The following ADCK1 variants were observed in gnomAD, a reference collection of about 807,000 sequenced individuals.
The protein encoded by ADCK1 is aarF domain containing kinase 1, also known as aarF domain-containing protein kinase 1.
ADCK1 carries 41 observed loss-of-function variants against 52.3 expected under a neutral mutation model. That is an observed-to-expected ratio of 0.78 (90% CI 0.61 to 1.02). The LOEUF (loss-of-function observed/expected upper bound fraction) is 1.02, where lower values mean the gene tolerates loss of function less well. Among genes scored for constraint, ADCK1 ranks in the 50% least tolerant of loss-of-function variants. ADCK1 has a pLI of 0.00. For missense variants in ADCK1, 658 were observed against 679.5 expected (o/e 0.97, Z 0.35); for synonymous variants, 250 against 274.6 (o/e 0.91, Z 0.89).
At chr14:77,930,450 C>A (rs1051733575) in intron 9 of ADCK1, among the ~76,000 whole-genome samples, 1 of 152,066 alleles carries the variant, frequency 6.6e-6, no homozygotes, top group African/African-American at 2.4e-5. Context: ...TGCTGGGAGG[C>A]GGGCACAGAG....
At chr14:77,895,153 T>C (rs1051889958) in intron 5 of ADCK1, among the ~76,000 whole-genome samples, 2 of 152,228 alleles carry the variant, frequency 1.3e-5, no homozygotes, top group African/African-American at 2.4e-5. Context: ...AATGACCCGA[T>C]AGGAAGATAG....
intron 3 of ADCK1, among the ~76,000 whole-genome samples, chr14:77,846,188 A>T (rs1044274497): frequency 3.9e-5 from 6 of 152,162 alleles, no homozygotes; most frequent in African/African-American, 1.4e-4. Context: ...AAGCCAGTGT[A>T]TCTTCTCCCA....
At chr14:77,842,159 A>AT (rs1282332445) in intron 3 of ADCK1, among the ~76,000 whole-genome samples, 2 of 151,794 alleles carry the variant, frequency 1.3e-5, no homozygotes, top group Non-Finnish European at 2.9e-5. Context: ...TATTATTATT[A>AT]TTTTTTTTGC....
intron 1 of ADCK1, among the ~76,000 whole-genome samples, chr14:77,811,016 CGGT>C (rs2081329526): frequency 1.3e-5 from 2 of 151,650 alleles, no homozygotes; most frequent in African/African-American, 2.4e-5. Context: ...ACCTGTGTCT[CGGT>C]GGAAACAAAG....
intron 1 of ADCK1, among the ~76,000 whole-genome samples, chr14:77,810,289 A>G (rs989470927): frequency 6.7e-6 from 1 of 150,242 alleles, no homozygotes; most frequent in African/African-American, 2.4e-5. Context: ...TAACTTTTTT[A>G]TTGTTTGTAG....
intron 7 of ADCK1, among the ~76,000 whole-genome samples, chr14:77,912,032 A>C (rs2364748): frequency 0.52 from 78,298 of 152,022 alleles, 20,913 homozygotes; most frequent in African/African-American, 0.66. Context: ...GAGTTCTGCC[A>C]CCATAGATGA....
chr14:77,916,744 C>T (rs76406614), intron 7 of ADCK1, among the ~76,000 whole-genome samples: 2,920 of 152,346 alleles, frequency 0.019, 86 homozygotes, highest in African/African-American at 0.067. Context: ...CTATCTCTCC[C>T]GACACCATGT....
chr14:77,894,171 A>G (rs546924527), intron 5 of ADCK1, among the ~76,000 whole-genome samples: 1 of 152,342 alleles, frequency 6.6e-6, no homozygotes, highest in African/African-American at 2.4e-5. Flanking sequence ...CACCCAAGGA[A>G]ACTTCTCTTC....
At chr14:77,891,567 A>G (rs1285838366) in intron 5 of ADCK1, among the ~76,000 whole-genome samples, 1 of 152,216 alleles carries the variant, frequency 6.6e-6, no homozygotes, top group Non-Finnish European at 1.5e-5. Flanking sequence ...CCTCCCTGAG[A>G]TAAGCATCAC....
chr14:77,888,606 G>C (rs1277429300), intron 5 of ADCK1, among the ~76,000 whole-genome samples: 1 of 152,082 alleles, frequency 6.6e-6, no homozygotes, highest in African/African-American at 2.4e-5. Flanking sequence ...TGTGAAGTGA[G>C]GAGTGTAATG....
chr14:77,811,335 A>G (rs2081334605), intron 1 of ADCK1, among the ~76,000 whole-genome samples: 1 of 151,836 alleles, frequency 6.6e-6, no homozygotes, highest in Non-Finnish European at 1.5e-5. Context: ...ATTTCCCACC[A>G]CTCCATCAAG....
chr14:77,828,628 G>A (rs1257566838), intron 3 of ADCK1, among the ~76,000 whole-genome samples: 3 of 152,058 alleles, frequency 2.0e-5, no homozygotes, highest in Admixed American at 6.6e-5. Context: ...TCTGCCTCCC[G>A]GGTTCAAGCG....
intron 6 of ADCK1, among the ~76,000 whole-genome samples, chr14:77,906,073 A>T (rs1413430726): frequency 1.3e-5 from 2 of 152,176 alleles, no homozygotes; most frequent in African/African-American, 4.8e-5. Flanking sequence ...AGAGGTCCTT[A>T]CTGAGATAGG....
chr14:77,803,322 C>T (rs182819305), intron 1 of ADCK1, among the ~76,000 whole-genome samples: 2 of 152,110 alleles, frequency 1.3e-5, no homozygotes, highest in Non-Finnish European at 2.9e-5. Flanking sequence ...TGGTAATTCT[C>T]ATTTGTGCAC....
chr14:77,916,507 G>A (rs913591309), intron 7 of ADCK1, among the ~76,000 whole-genome samples: 5 of 152,150 alleles, frequency 3.3e-5, no homozygotes, highest in Non-Finnish European at 7.3e-5. Flanking sequence ...AGGCTGTGGT[G>A]CAGTGGCACG....
At position 77,933,549 on chromosome 14, in the gene ADCK1, A is replaced by G. The variant is rs2084391313; in HGVS notation, c.*158A>G. 1.7e-5 allele frequency: 14 copies of G among 845,878 alleles called. No individual in the cohort carries two copies. Among genetic ancestry groups the G allele is most frequent in the Non-Finnish European group, 2.4e-5 (13 of 538,094 alleles). 52.4% of individuals were successfully genotyped at this position (845,878 alleles called of 1,614,324 possible). On this transcript the variant is annotated 3_prime_UTR_variant, in exon 11 of 11. Transcript: ENST00000238561. ...TCTCCTCCTTTGGAATCCTCTCCGC[A>G]CACTGTGGCCCTTGTCTCAGGGCCC...
At chr14:77,862,707 TC>T (rs1566678131) in intron 4 of ADCK1, among the ~76,000 whole-genome samples, 2 of 152,154 alleles carry the variant, frequency 1.3e-5, no homozygotes, top group Non-Finnish European at 1.5e-5. Flanking sequence ...TCATTCCTTC[TC>T]TCTCCTGCTG....
intron 3 of ADCK1, among the ~76,000 whole-genome samples, chr14:77,854,894 G>T: frequency 6.6e-6 from 1 of 152,100 alleles, no homozygotes; most frequent in Non-Finnish European, 1.5e-5. Context: ...CAAATTCAGA[G>T]CCCTACCTCA....
At chr14:77,904,974 C>T (rs989678525) in intron 6 of ADCK1, among the ~76,000 whole-genome samples, 2 of 152,172 alleles carry the variant, frequency 1.3e-5, no homozygotes, top group East Asian at 1.9e-4. Flanking sequence ...TCCTCCTGCC[C>T]ATCTGGTGAT....
Sources: allele counts gnomAD v4.1 joint callset (sites outside exome capture counted in the v4.1 genomes callset), GRCh38; gene constraint gnomAD v4.1.1; transcripts MANE v1.5; gene names NCBI Gene and HGNC (gene_info 2026-07-23, HGNC 2026-07-21).